PALM2AKAP2: variants seen among roughly 807,000 people sequenced by gnomAD.
PALM2AKAP2 encodes PALM2-AKAP2 fusion protein.
In PALM2AKAP2, 37 loss-of-function variants were observed where a neutral mutation model predicts 71.5. The ratio of observed to expected loss-of-function variants is 0.52; its 90% CI spans 0.40 to 0.68. The LOEUF (loss-of-function observed/expected upper bound fraction) is 0.68. PALM2AKAP2 is among the 30% of genes least tolerant of loss of function. The pLI, the probability that PALM2AKAP2 is intolerant of heterozygous loss-of-function variation, is 0.00. For missense variants in PALM2AKAP2, 1,224 were observed against 1,191.8 expected, an observed-to-expected ratio of 1.03 and a Z score of -0.40; for synonymous variants, 468 against 478.8, an observed-to-expected ratio of 0.98 and a Z score of 0.29.
intron 7 of PALM2AKAP2, among the ~76,000 whole-genome samples, chr9:110,026,702 A>G (rs1291212513): frequency 2.6e-5 from 4 of 152,178 alleles, no homozygotes; most frequent in Non-Finnish European, 5.9e-5. Context: ...ATGTATTACT[A>G]TTTAATTGCC....
At chr9:109,773,529 TCA>T (rs1231979400) in intron 1 of PALM2AKAP2, among the ~76,000 whole-genome samples, 2 of 152,224 alleles carry the variant, frequency 1.3e-5, no homozygotes, top group Non-Finnish European at 2.9e-5. Context: ...TTCTTCACTC[TCA>T]CAGCATTTGT....
intron 1 of PALM2AKAP2, among the ~76,000 whole-genome samples, chr9:109,848,841 C>T (rs1828933734): frequency 6.6e-6 from 1 of 151,042 alleles, no homozygotes; most frequent in South Asian, 2.1e-4. Context: ...ACTGCCTGAG[C>T]CCATGGGGTC....
At chr9:109,719,587 T>G in intron 1 of PALM2AKAP2, among the ~76,000 whole-genome samples, 1 of 152,224 alleles carries the variant, frequency 6.6e-6, no homozygotes, top group East Asian at 1.9e-4. Flanking sequence ...GTCACCAGTA[T>G]GAATATTCAC....
intron 1 of PALM2AKAP2, among the ~76,000 whole-genome samples, chr9:109,762,877 A>G (rs1220744117): frequency 1.3e-5 from 2 of 152,142 alleles, no homozygotes. Context: ...GAGGGGAGGA[A>G]AGAGATGGGA....
At chr9:109,925,780 C>T (rs1037493685) in intron 5 of PALM2AKAP2, among the ~76,000 whole-genome samples, 3 of 152,156 alleles carry the variant, frequency 2.0e-5, no homozygotes, top group African/African-American at 4.8e-5. Context: ...ACTTCTCACC[C>T]TTCACCTTGC....
At chr9:110,025,021 T>C (rs1171665667) in intron 7 of PALM2AKAP2, 13 of 1,280,376 alleles carry the variant, frequency 1.0e-5, no homozygotes, top group Non-Finnish European at 1.4e-5. Flanking sequence ...TCTTTCTTTT[T>C]CTGATCATTT....
At chr9:109,905,616 T>C (rs1489378758) in intron 3 of PALM2AKAP2, among the ~76,000 whole-genome samples, 1 of 152,230 alleles carries the variant, frequency 6.6e-6, no homozygotes, top group East Asian at 1.9e-4. Context: ...AGTTTCAGCA[T>C]TTCTCAAACT....
intron 1 of PALM2AKAP2, among the ~76,000 whole-genome samples, chr9:109,753,991 T>C (rs868000262): frequency 1.3e-5 from 2 of 152,178 alleles, no homozygotes; most frequent in Non-Finnish European, 2.9e-5. Context: ...GCATATGACC[T>C]TTCCATCTTT....
chr9:110,002,220 A>T (rs77597050), intron 6 of PALM2AKAP2, among the ~76,000 whole-genome samples: 2 of 151,786 alleles, frequency 1.3e-5, no homozygotes, highest in African/African-American at 2.4e-5. Context: ...AGTTTTTAGC[A>T]TGAAGGTTGT....
chr9:109,971,540 C>T (rs1832069425), intron 6 of PALM2AKAP2, among the ~76,000 whole-genome samples: 1 of 152,030 alleles, frequency 6.6e-6, no homozygotes, highest in African/African-American at 2.4e-5. Context: ...ATTCTCCTGT[C>T]TCAGCCTCCC....
chr9:109,674,148 T>C lies in PALM2AKAP2; in HGVS notation c.5+33282T>C, dbSNP rs1476437586. 2.0e-5 allele frequency among the ~76,000 whole-genome samples: 3 copies of C among 152,036 alleles called. No homozygotes were observed. The East Asian group carries it at 5.8e-4, about 29-fold the overall frequency. On this transcript the variant is annotated intron_variant, in intron 1 of 6. Transcript: ENST00000374531. ...AATGAATTTTTGGTTCCAGATACTT[T>C]AGCTTTCTGTTCTAGGATTTCTTTT...
intron 1 of PALM2AKAP2, among the ~76,000 whole-genome samples, chr9:110,128,858 G>A (rs1835674083): frequency 6.6e-6 from 1 of 152,254 alleles, no homozygotes; most frequent in Admixed American, 6.5e-5. Flanking sequence ...TCCATGACAT[G>A]CCTAGCTGTA....
intron 1 of PALM2AKAP2, among the ~76,000 whole-genome samples, chr9:109,745,908 C>G (rs1828793222): frequency 6.6e-6 from 1 of 152,178 alleles, no homozygotes; most frequent in African/African-American, 2.4e-5. Flanking sequence ...TGCAAAGAAG[C>G]CAACTCCCTT....
At chr9:109,803,896 T>C (rs542293111) in intron 1 of PALM2AKAP2, among the ~76,000 whole-genome samples, 2 of 152,316 alleles carry the variant, frequency 1.3e-5, no homozygotes, top group South Asian at 2.1e-4. Context: ...GCTGTAAATA[T>C]ATTCCTTGGA....
intron 1 of PALM2AKAP2, among the ~76,000 whole-genome samples, chr9:109,747,770 AT>A (rs756036648): frequency 2.0e-5 from 3 of 152,102 alleles, no homozygotes; most frequent in Non-Finnish European, 4.4e-5. Flanking sequence ...CCCAGACTCA[AT>A]GGATTCTCCC....
chr9:109,948,369 A>G (rs986687070), intron 6 of PALM2AKAP2, among the ~76,000 whole-genome samples: 3 of 152,240 alleles, frequency 2.0e-5, no homozygotes, highest in African/African-American at 7.2e-5. Flanking sequence ...TCTCCTTTCC[A>G]GTATAATATA....
chr9:109,917,790 A>G (rs74320777), intron 3 of PALM2AKAP2, among the ~76,000 whole-genome samples: 1 of 152,244 alleles, frequency 6.6e-6, no homozygotes, highest in East Asian at 1.9e-4. Context: ...CACCGCACCC[A>G]GCCCTCCTTT....
intron 1 of PALM2AKAP2, among the ~76,000 whole-genome samples, chr9:110,077,255 C>A (rs893349392): frequency 9.9e-5 from 15 of 152,236 alleles, no homozygotes; most frequent in African/African-American, 3.4e-4. Flanking sequence ...TAGGGCGATA[C>A]CCTATTAGAT....
intron 1 of PALM2AKAP2, among the ~76,000 whole-genome samples, chr9:109,854,803 G>GCT (rs1243633923): frequency 6.7e-5 from 6 of 89,588 alleles, no homozygotes; most frequent in Non-Finnish European, 1.2e-4. Flanking sequence ...ATGGAGTCTT[G>GCT]CTCTATCATC....
Sources: allele counts gnomAD v4.1 joint callset (sites outside exome capture counted in the v4.1 genomes callset), GRCh38; gene constraint gnomAD v4.1.1; transcripts MANE v1.5; gene names NCBI Gene and HGNC (gene_info 2026-07-23, HGNC 2026-07-21).